Variants in SMAD5 observed in about 807,000 individuals in gnomAD.
SMAD5 encodes SMAD family member 5.
Under a neutral mutation model 43.1 loss-of-function variants are expected in SMAD5, and 9 were observed. That is an observed-to-expected ratio of 0.21 (90% CI 0.13 to 0.36). The LOEUF is 0.36. Among genes scored for constraint, SMAD5 ranks in the 10% least tolerant of loss-of-function variants. SMAD5 has a pLI of 1.00. For synonymous variants in SMAD5, 190 were observed against 192.4 expected (o/e 0.99, Z 0.10); for missense variants, 348 against 574.0 (o/e 0.61, Z 4.02).
At chr5:136,152,504 C>A (rs539605919) in intron 2 of SMAD5, among the ~76,000 whole-genome samples, 1 of 152,246 alleles carries the variant, frequency 6.6e-6, no homozygotes, top group South Asian at 2.1e-4. Context: ...TAGAATTTTT[C>A]AAAGACAAAG....
chr5:136,166,144 G>T (rs1479635189), intron 5 of SMAD5, among the ~76,000 whole-genome samples: 1 of 150,466 alleles, frequency 6.6e-6, no homozygotes, highest in Non-Finnish European at 1.5e-5. Flanking sequence ...TCTCACTGTG[G>T]GTTGTTCTGT....
In SMAD5 at chr5:136,182,456, C is replaced by G. The variant is rs1470606710; in HGVS notation, c.*4976C>G. 1 of 152,370 alleles carries G rather than the reference C, an allele frequency of 6.6e-6. No homozygotes were observed. Among genetic ancestry groups the G allele is most frequent in the Non-Finnish European group, 1.5e-5 (1 of 67,992 alleles). 9.4% of individuals were successfully genotyped at this position (152,370 alleles called of 1,614,324 possible). ...AATCATGGAAATAGAATGTTTGTAT[C>G]TACCTGCCCACATTTTCTTAAAAAG... On this transcript the variant is annotated 3_prime_UTR_variant, in exon 8 of 8. Transcript: ENST00000545279.
chr5:136,138,835 G>A (rs1034558198), intron 1 of SMAD5, among the ~76,000 whole-genome samples: 5 of 152,142 alleles, frequency 3.3e-5, no homozygotes, highest in Non-Finnish European at 7.3e-5. Flanking sequence ...GCCAAGCTTA[G>A]TGAATCTGAA....
chr5:136,167,460 T>A (rs115688810), intron 5 of SMAD5, among the ~76,000 whole-genome samples: 1,788 of 152,070 alleles, frequency 0.012, 24 homozygotes, highest in Middle Eastern at 0.024. Flanking sequence ...CAGAATTGAG[T>A]TTTAAAAGTT....
At chr5:136,142,974 G>C (rs1753134918) in intron 1 of SMAD5, among the ~76,000 whole-genome samples, 2 of 152,048 alleles carry the variant, frequency 1.3e-5, no homozygotes, top group Non-Finnish European at 1.5e-5. Flanking sequence ...TGGGCACCCG[G>C]TAAATTTTGA....
At chr5:136,142,381 G>A (rs749469223) in intron 1 of SMAD5, among the ~76,000 whole-genome samples, 3 of 152,184 alleles carry the variant, frequency 2.0e-5, no homozygotes, top group East Asian at 1.9e-4. Flanking sequence ...ATGATATACC[G>A]TAATTTTATA....
At chr5:136,169,389 A>G (rs954793193) in intron 5 of SMAD5, among the ~76,000 whole-genome samples, 3 of 152,144 alleles carry the variant, frequency 2.0e-5, no homozygotes, top group Non-Finnish European at 1.5e-5. Flanking sequence ...TCCTTTGGCG[A>G]CACACCCACA....
Position 136,179,832 on chromosome 5 carries a change from C to G in SMAD5, c.*2352C>G, listed in dbSNP as rs1754561324. On this transcript the variant is annotated 3_prime_UTR_variant, in exon 8 of 8. Transcript: ENST00000545279. ...GGAAAAAATTACTCCAATTGAATGA[C>G]TGATGTATGTAATCAACTTCATTGG... The G allele has an allele frequency of 6.6e-6, 1 of 152,156 alleles. No homozygotes were observed. The highest frequency in any genetic ancestry group is 2.4e-5 in the African/African-American group (1 of 41,432). The allele number at this position is 152,156 out of a possible 1,614,324, so 9.4% of individuals were successfully genotyped here. A position where few individuals can be genotyped will look rare whatever the true frequency, so the allele number is the denominator to read the frequency against.
At chr5:136,141,061 A>G (rs1311019038) in intron 1 of SMAD5, among the ~76,000 whole-genome samples, 1 of 152,084 alleles carries the variant, frequency 6.6e-6, no homozygotes, top group Non-Finnish European at 1.5e-5. Context: ...GAAACTCTAT[A>G]TAGGATTATG....
chr5:136,156,892 G>GT (rs1344339366), intron 3 of SMAD5, among the ~76,000 whole-genome samples: 1 of 152,104 alleles, frequency 6.6e-6, no homozygotes, highest in Non-Finnish European at 1.5e-5. Context: ...GAGACCTCAT[G>GT]TTTCGCCCTG....
intron 2 of SMAD5, among the ~76,000 whole-genome samples, chr5:136,151,256 A>G (rs893914329): frequency 6.6e-6 from 1 of 152,070 alleles, no homozygotes; most frequent in African/African-American, 2.4e-5. Flanking sequence ...TTGATAATGT[A>G]ATATCAGATT....
chr5:136,159,701 T>G (rs1289239919), intron 3 of SMAD5, among the ~76,000 whole-genome samples: 2 of 152,232 alleles, frequency 1.3e-5, no homozygotes, highest in African/African-American at 2.4e-5. Context: ...GAATAGCAGT[T>G]GTTAACACAC....
In SMAD5 at chr5:136,164,707, G is replaced by A. The variant is rs140372074; in HGVS notation, c.775+1316G>A. ...TAATGACGTCTTTTTGAGGGTAATA[G>A]CTTTAAATTTTGATGAAATCCATTT... On this transcript the variant is annotated intron_variant, in intron 5 of 7. Transcript: ENST00000545279. 1.7e-3 allele frequency among the ~76,000 whole-genome samples: 259 copies of A among 152,082 alleles called. 3 individuals are homozygous for A. Among genetic ancestry groups the A allele is most frequent in the Middle Eastern group, 0.017 (5 of 294 alleles).
At position 136,153,999 on chromosome 5, in the gene SMAD5, A is replaced by C. The variant is rs1753551290; in HGVS notation, c.239A>C (p.His80Pro). ...TTAGATGGACGCCTGCAGGTTTCTCACAGAAAAGGCTTACCCCATGTTATA... is the reference window on the plus strand; with the variant it reads ...TTAGATGGACGCCTGCAGGTTTCTCCCAGAAAAGGCTTACCCCATGTTATA... Reference protein sequence around the residue: ...RSLDGRLQVSHRKGLPHVIYC... With the variant: ...RSLDGRLQVSPRKGLPHVIYC... Residue 80 changes from histidine (H) to proline (P), a missense_variant, in exon 3 of 8, where the codon CAC becomes CCC. Physicochemically the swap from His to Pro is moderately conservative, Grantham distance 77 (BLOSUM62 -2). Around this residue, in one of 5 missense-constraint regions of SMAD5, gnomAD observed 0 missense variants for 22.8 expected, o/e 0.00. Coordinates refer to ENST00000545279, the MANE Select transcript of SMAD5 (RefSeq NM_005903.7). The C allele has an allele frequency of 6.2e-7, 1 of 1,609,244 alleles. No homozygotes were observed. Among genetic ancestry groups the C allele is most frequent in the Non-Finnish European group, 8.5e-7 (1 of 1,178,368 alleles).
chr5:136,137,275 C>A (rs1752918307), intron 1 of SMAD5, among the ~76,000 whole-genome samples: 1 of 148,978 alleles, frequency 6.7e-6, no homozygotes, highest in South Asian at 2.1e-4. Flanking sequence ...TTGGGACCCC[C>A]CCCCGCATCT....
chr5:136,136,146 C>T (rs1055368254), intron 1 of SMAD5, among the ~76,000 whole-genome samples: 1 of 152,152 alleles, frequency 6.6e-6, no homozygotes, highest in Non-Finnish European at 1.5e-5. Flanking sequence ...GCTTTCCCAT[C>T]AAAACAGATG....
chr5:136,143,447 C>G (rs771898995), intron 1 of SMAD5, among the ~76,000 whole-genome samples: 1 of 151,994 alleles, frequency 6.6e-6, no homozygotes, highest in Non-Finnish European at 1.5e-5. Context: ...GAACTCTACA[C>G]GGCACATAGA....
intron 4 of SMAD5, 146 bp downstream of exon 4, chr5:136,161,253 T>G: frequency 2.6e-6 from 2 of 767,292 alleles, no homozygotes; most frequent in Non-Finnish European, 4.1e-6. Context: ...TTGTTTGATT[T>G]CCAGAAGAGT....
intron 1 of SMAD5, among the ~76,000 whole-genome samples, chr5:136,139,750 C>T (rs1753010944): frequency 1.3e-5 from 2 of 152,176 alleles, no homozygotes; most frequent in African/African-American, 2.4e-5. Flanking sequence ...GGCTGGAGTG[C>T]AGTGGCATGA....
Sources: allele counts gnomAD v4.1 joint callset (sites outside exome capture counted in the v4.1 genomes callset), GRCh38; gene constraint gnomAD v4.1.1; regional missense constraint gnomAD v4.1.1; transcripts MANE v1.5; gene names NCBI Gene and HGNC (gene_info 2026-07-23, HGNC 2026-07-21).